The following NDUFS1 variants were observed in gnomAD, a reference collection of about 807,000 sequenced individuals.
NDUFS1 encodes NADH:ubiquinone oxidoreductase core subunit S1, also known as NADH-ubiquinone oxidoreductase 75 kDa subunit, mitochondrial.
A neutral mutation model predicts 84.4 loss-of-function variants in NDUFS1; 61 were observed. The ratio of observed to expected loss-of-function variants is 0.72; its 90% CI spans 0.59 to 0.89. The LOEUF is 0.89. Ranked by LOEUF, NDUFS1 falls within the 40% of genes least tolerant of loss-of-function variation. The pLI is 0.00. For missense variants in NDUFS1, 891 were observed against 890.0 expected (o/e 1.00, Z -0.01); for synonymous variants, 275 against 290.0 (o/e 0.95, Z 0.53).
At chr2:206,156,974 T>A (rs868867772) in intron 1 of NDUFS1, among the ~76,000 whole-genome samples, 1 of 152,226 alleles carries the variant, frequency 6.6e-6, no homozygotes, top group Non-Finnish European at 1.5e-5. Context: ...TGTGTGTGTT[T>A]TGAGACAGAG....
intron 12 of NDUFS1, among the ~76,000 whole-genome samples, chr2:206,140,584 G>A (rs553203271): frequency 1.5e-4 from 23 of 152,076 alleles, no homozygotes; most frequent in South Asian, 8.3e-4. Context: ...AGGTTCAAGC[G>A]ATTCTTCTGC....
At position 206,123,124 on chromosome 2, in the gene NDUFS1, T is replaced by C. The variant is rs1575936967; in HGVS notation, c.*1061A>G. 1 of 152,148 alleles carries C rather than the reference T, an allele frequency of 6.6e-6. No homozygotes were observed. Among genetic ancestry groups the C allele is most frequent in the African/African-American group, 2.4e-5 (1 of 41,438 alleles). The allele number at this position is 152,148 out of a possible 1,614,324, so 9.4% of individuals were successfully genotyped here. On this transcript the variant is annotated 3_prime_UTR_variant, in exon 19 of 19. Transcript: ENST00000233190. ...TTTTATTTTTTTAAATTCTCAGTGA[T>C]CCTTATTCTGATTCCTTTTGGTTTT...
intron 15 of NDUFS1, among the ~76,000 whole-genome samples, chr2:206,129,576 C>T (rs1433159360): frequency 6.6e-6 from 1 of 150,868 alleles, no homozygotes; most frequent in African/African-American, 2.4e-5. Context: ...GGATTTAGTT[C>T]ATATATTTTG....
chr2:206,118,004 T>C lies in NDUFS1; in HGVS notation c.*6181A>G, dbSNP rs572714144. 1.3e-5 allele frequency: 2 copies of C among 152,224 alleles called. No homozygotes were observed. Among genetic ancestry groups the C allele is most frequent in the Non-Finnish European group, 2.9e-5 (2 of 68,050 alleles). 9.4% of individuals were successfully genotyped at this position (152,224 alleles called of 1,614,324 possible). ...TCATATATTTGCCATTTCCAACATATGCTTTTAGTCCAGTCTAATCACCAG... is the reference window on the plus strand; with the variant it reads ...TCATATATTTGCCATTTCCAACATACGCTTTTAGTCCAGTCTAATCACCAG... On this transcript the variant is annotated 3_prime_UTR_variant, in exon 19 of 19. Coordinates refer to ENST00000233190, the MANE Select transcript of NDUFS1 (RefSeq NM_005006.7).
intron 14 of NDUFS1, 116 bp downstream of exon 14, chr2:206,132,829 C>T: frequency 1.1e-6 from 1 of 892,642 alleles, no homozygotes. Context: ...ACATGTGTAA[C>T]TGGGATAATG....
intron 14 of NDUFS1, among the ~76,000 whole-genome samples, chr2:206,132,492 G>A (rs1691552225): frequency 1.3e-5 from 2 of 152,242 alleles, no homozygotes; most frequent in African/African-American, 4.8e-5. Context: ...GGAGGCAGGG[G>A]TGGGAGGATC....
In NDUFS1 at chr2:206,115,409, T is replaced by C. The variant is rs1394074788; in HGVS notation, c.*8776A>G. ...TGGCCTCATATTTGATTGATGCCATTATAAAAAGGGTTTGCGGGAGCATGT... is the reference window on the plus strand; with the variant it reads ...TGGCCTCATATTTGATTGATGCCATCATAAAAAGGGTTTGCGGGAGCATGT... On this transcript the variant is annotated 3_prime_UTR_variant, in exon 19 of 19. Transcript: ENST00000233190. 1 of 160,748 alleles carries C rather than the reference T, an allele frequency of 6.2e-6. No homozygotes were observed. Among genetic ancestry groups the C allele is most frequent in the Non-Finnish European group, 1.3e-5 (1 of 74,496 alleles). 10.0% of individuals were successfully genotyped at this position (160,748 alleles called of 1,614,324 possible).
In NDUFS1 at chr2:206,115,411, T is replaced by C. The variant is rs918565769; in HGVS notation, c.*8774A>G. 6.2e-6 allele frequency: 1 copy of C among 161,780 alleles called. No homozygotes were observed. The allele number at this position is 161,780 out of a possible 1,614,324, so 10.0% of individuals were successfully genotyped here. ...GCCTCATATTTGATTGATGCCATTA[T>C]AAAAAGGGTTTGCGGGAGCATGTTA... On this transcript the variant is annotated 3_prime_UTR_variant, in exon 19 of 19. Coordinates refer to ENST00000233190, the MANE Select transcript of NDUFS1 (RefSeq NM_005006.7).
In NDUFS1 at chr2:206,116,410, AG is replaced by A. The variant is rs1690943119; in HGVS notation, c.*7774del. The A allele has an allele frequency of 1.2e-6, 1 of 810,004 alleles. No individual in the cohort carries two copies. Among genetic ancestry groups the A allele is most frequent in the East Asian group, 2.6e-5 (1 of 37,892 alleles). 50.2% of individuals were successfully genotyped at this position (810,004 alleles called of 1,614,324 possible). On this transcript the variant is annotated 3_prime_UTR_variant, in exon 19 of 19. Coordinates refer to ENST00000233190, the MANE Select transcript of NDUFS1 (RefSeq NM_005006.7). ...CAGACGGCGCCCATCCCAAGCTGCC[AG>A]GGCCTCGATAGGCAGGGCGCGGCAG...
chr2:206,147,015 A>G lies in NDUFS1; in HGVS notation c.625T>C (p.Tyr209His). 6.2e-7 allele frequency: 1 copy of G among 1,614,094 alleles called. No homozygotes were observed. Among genetic ancestry groups the G allele is most frequent in the East Asian group, 2.2e-5 (1 of 44,874 alleles). The change falls in exon 8 of 19, where the codon TAC becomes CAC. Residue 209 changes from tyrosine to histidine, a missense_variant. Physicochemically the swap from Tyr to His is moderately conservative, Grantham distance 83. Transcript: ENST00000233190. ...TCAGACATGAACATCTTTTCAATGT[A>G]TGTGCCAACTTGCATATCATTTCCT... ...GRGNDMQVGT[Y>H]IEKMFMSELS... is the part of the protein sequence containing the mutation.
In NDUFS1 at chr2:206,117,863, T is replaced by G. The variant is rs1690994857; in HGVS notation, c.*6322A>C. The stretch of plus-strand genomic sequence containing the variant: ...AAATGCAGGTATAATACTAAAATTT[T>G]TTTTTGTATAGTCCTTTACAGATCC... On this transcript the variant is annotated 3_prime_UTR_variant, in exon 19 of 19. Transcript: ENST00000233190. 6.6e-6 allele frequency: 1 copy of G among 152,192 alleles called. No individual in the cohort carries two copies. The highest frequency in any genetic ancestry group is 2.1e-4 in the South Asian group (1 of 4,834). 9.4% of individuals were successfully genotyped at this position (152,192 alleles called of 1,614,324 possible).
intron 1 of NDUFS1, among the ~76,000 whole-genome samples, chr2:206,156,303 T>G (rs1011888976): frequency 1.4e-5 from 2 of 139,114 alleles, no homozygotes; most frequent in South Asian, 2.3e-4. Flanking sequence ...ACAGGAGAGG[T>G]GGCTCACGCC....
Position 206,142,722 on chromosome 2 carries a change from A to G in NDUFS1, c.1097T>C (p.Leu366Ser). The change falls in exon 11 of 19, where the codon TTA becomes TCA. Residue 366 changes from leucine (L) to serine (S), a missense_variant. Leu to Ser is a moderately radical substitution (Grantham distance 145). Coordinates refer to ENST00000233190, the MANE Select transcript of NDUFS1 (RefSeq NM_005006.7). The part of the protein sequence containing the change: ...DLLNRVDSDT[L>S]CTEEVFPTAG... ...AGTGGGGAAGACCTCTTCAGTGCAT[A>G]AGGTGTCAGAGTCCACTCTATTAAG... is the stretch of plus-strand genomic sequence containing the variant. 1.9e-6 allele frequency: 3 copies of G among 1,614,200 alleles called. No homozygotes were observed. The highest frequency in any genetic ancestry group is 1.3e-5 in the African/African-American group (1 of 75,050).
chr2:206,152,105 C>A (rs545296383), intron 3 of NDUFS1, among the ~76,000 whole-genome samples: 1 of 152,148 alleles, frequency 6.6e-6, no homozygotes, highest in Non-Finnish European at 1.5e-5. Context: ...GAATGATCCG[C>A]CCGCCTCGGC....
Position 206,149,921 on chromosome 2 carries a change from C to G in NDUFS1, c.158G>C (p.Cys53Ser). The G allele has an allele frequency of 1.2e-6, 1 of 866,040 alleles. No individual in the cohort carries two copies. The highest frequency in any genetic ancestry group is 1.8e-6 in the Non-Finnish European group (1 of 548,210). The allele number at this position is 866,040 out of a possible 1,614,324, so 53.6% of individuals were successfully genotyped here. A position where few individuals can be genotyped will look rare whatever the true frequency, so the allele number is the denominator to read the frequency against. ...VEPGTTVLQA[C>S]EKVGMQIPRF... ...AGGGATCTGCATGCCAACCTTCTCA[C>G]AAGCCTAGAAGTAAAAAAAAAAAAA... Residue 53 changes from cysteine to serine, a missense_variant, in exon 4 of 19, where the codon TGT (cysteine) becomes TCT (serine). Coordinates refer to ENST00000233190, the MANE Select transcript of NDUFS1 (RefSeq NM_005006.7).
chr2:206,149,357 G>T (rs2105977458), intron 4 of NDUFS1, among the ~76,000 whole-genome samples: 1 of 152,088 alleles, frequency 6.6e-6, no homozygotes, highest in Non-Finnish European at 1.5e-5. Flanking sequence ...TTTTTATTCT[G>T]CTCTGAAACA....
chr2:206,153,673 T>C lies in NDUFS1; in HGVS notation c.6A>G (p.Leu2=). ...CTAAGGCCTTTCTTACAGGTATCCTTAACATATTGCTAAAAATAAAACAAA... is the reference window on the plus strand; with the variant it reads ...CTAAGGCCTTTCTTACAGGTATCCTCAACATATTGCTAAAAATAAAACAAA... M[L]RIPVRKALVG... Residue 2 remains leucine (L), a synonymous_variant, in exon 2 of 19, where the codon TTA becomes TTG. Coordinates refer to ENST00000233190, the MANE Select transcript of NDUFS1 (RefSeq NM_005006.7). 3 of 1,479,206 alleles carry C rather than the reference T, an allele frequency of 2.0e-6. No individual in the cohort carries two copies. The highest frequency in any genetic ancestry group is 2.8e-6 in the Non-Finnish European group (3 of 1,066,094). The allele number at this position is 1,479,206 out of a possible 1,614,324, so 91.6% of individuals were successfully genotyped here. A position where few individuals can be genotyped will look rare whatever the true frequency, so the allele number is the denominator to read the frequency against.
chr2:206,142,385 T>C (rs1029002235), intron 11 of NDUFS1, among the ~76,000 whole-genome samples: 2 of 151,946 alleles, frequency 1.3e-5, no homozygotes, highest in Admixed American at 6.6e-5. Context: ...GCTAATTTTT[T>C]TGTATTTTTA....
At chr2:206,151,569 A>G (rs2105980722) in intron 3 of NDUFS1, among the ~76,000 whole-genome samples, 1 of 152,334 alleles carries the variant, frequency 6.6e-6, no homozygotes, top group South Asian at 2.1e-4. Context: ...CAGATAGTCT[A>G]GAAATGACTG....
Sources: gnomAD v4.1 joint callset for allele counts (sites outside exome capture counted in the v4.1 genomes callset) on GRCh38, gnomAD v4.1.1 for gene constraint, MANE v1.5 for transcripts, NCBI Gene and HGNC (gene_info 2026-07-23, HGNC 2026-07-21) for gene names.